PRKCZ: variants seen among roughly 807,000 people sequenced by gnomAD.
The protein encoded by PRKCZ is protein kinase C zeta type.
PRKCZ carries 33 observed loss-of-function variants against 79.5 expected under a neutral mutation model. The ratio of observed to expected loss-of-function variants is 0.41; its 90% CI spans 0.31 to 0.55. The LOEUF (loss-of-function observed/expected upper bound fraction) is 0.55, where lower values mean the gene tolerates loss of function less well. Among genes scored for constraint, PRKCZ ranks in the 20% least tolerant of loss-of-function variants. The pLI is 0.19. For synonymous variants in PRKCZ, 342 were observed against 320.9 expected (o/e 1.07, Z -0.70); for missense variants, 578 against 813.5 (o/e 0.71, Z 3.52).
At chr1:2,068,500 C>T (rs910999704) in intron 4 of PRKCZ, among the ~76,000 whole-genome samples, 4 of 152,272 alleles carry the variant, frequency 2.6e-5, no homozygotes, top group Non-Finnish European at 4.4e-5. Context: ...ACTGGAACAC[C>T]GGTGGTCGGC....
intron 4 of PRKCZ, among the ~76,000 whole-genome samples, chr1:2,131,618 G>T (rs1256374348): frequency 1.3e-5 from 2 of 152,164 alleles, no homozygotes; most frequent in Non-Finnish European, 2.9e-5. Flanking sequence ...GCAGGACTCG[G>T]CAATATAAAG....
chr1:2,096,513 G>A (rs985255436), intron 4 of PRKCZ, among the ~76,000 whole-genome samples: 5 of 152,174 alleles, frequency 3.3e-5, no homozygotes, highest in African/African-American at 7.2e-5. Flanking sequence ...TAAAAACAGC[G>A]CCAAGCGTGT....
chr1:2,124,242 CGGT>C (rs1673337129), intron 4 of PRKCZ, among the ~76,000 whole-genome samples: 1 of 6,284 alleles, frequency 1.6e-4, no homozygotes, highest in Non-Finnish European at 2.6e-4. Context: ...GTTAGGGTCA[CGGT>C]GGTGGTTAGG....
chr1:2,140,991 A>G (rs1468324591), intron 5 of PRKCZ: 4 of 152,258 alleles, frequency 2.6e-5, no homozygotes, highest in Non-Finnish European at 4.4e-5. Flanking sequence ...AATATGAGCA[A>G]GGAACAAGTT....
intron 4 of PRKCZ, among the ~76,000 whole-genome samples, chr1:2,063,612 C>T (rs1341270574): frequency 1.3e-5 from 2 of 152,186 alleles, no homozygotes; most frequent in South Asian, 2.1e-4. Context: ...TGCACCTGGC[C>T]GATAATTCTG....
At chr1:2,103,808 G>A (rs1048572811) in intron 4 of PRKCZ, among the ~76,000 whole-genome samples, 21 of 152,266 alleles carry the variant, frequency 1.4e-4, no homozygotes, top group Non-Finnish European at 1.2e-4. Context: ...AGTGCTGGCC[G>A]CTCCCCTCTC....
At chr1:2,070,231 C>G (rs1382624279) in intron 4 of PRKCZ, among the ~76,000 whole-genome samples, 1 of 152,138 alleles carries the variant, frequency 6.6e-6, no homozygotes, top group South Asian at 2.1e-4. Context: ...GGACCCTGCT[C>G]CAGCCTGCAC....
intron 6 of PRKCZ, 103 bp downstream of exon 6, chr1:2,144,444 A>C: frequency 2.0e-6 from 3 of 1,495,820 alleles, no homozygotes; most frequent in South Asian, 2.6e-5. Context: ...GTTCTTCAAG[A>C]GGGGCCGTGG....
chr1:2,078,617 A>G (rs1328834872), intron 4 of PRKCZ, among the ~76,000 whole-genome samples: 1 of 152,116 alleles, frequency 6.6e-6, no homozygotes, highest in East Asian at 1.9e-4. Flanking sequence ...CCAGTTATTT[A>G]TCACATGGCC....
At chr1:2,095,378 C>T (rs576516681) in intron 4 of PRKCZ, among the ~76,000 whole-genome samples, 80 of 152,182 alleles carry the variant, frequency 5.3e-4, no homozygotes, top group Non-Finnish European at 1.1e-3. Context: ...GAGGTGGGCA[C>T]GGCACACGTG....
intron 5 of PRKCZ, among the ~76,000 whole-genome samples, chr1:2,139,682 G>T (rs1030294975): frequency 2.6e-5 from 4 of 152,218 alleles, no homozygotes; most frequent in Admixed American, 2.6e-4. Context: ...TGTGGGACAG[G>T]CATGGACCCT....
At position 2,142,492 on chromosome 1, in the gene PRKCZ, A is replaced by G. The variant is rs576460334; in HGVS notation, c.421-1718A>G. 8.6e-5 allele frequency: 25 copies of G among 291,082 alleles called. 1 individual carries two copies. In the East Asian group the frequency reaches 2.9e-3, roughly 34 times the overall value. The allele number at this position is 291,082 out of a possible 1,614,324, so 18.0% of individuals were successfully genotyped here. A position where few individuals can be genotyped will look rare whatever the true frequency, so the allele number is the denominator to read the frequency against. On this transcript the variant is annotated intron_variant, in intron 5 of 17. Coordinates refer to ENST00000378567, the MANE Select transcript of PRKCZ (RefSeq NM_002744.6). ...CTTTCAATCCAGGGTCCACACATCC[A>G]GCAGGTGCCGACTGGGGCAAAACTC...
chr1:2,184,293 C>T (rs1164422460), intron 16 of PRKCZ: 1 of 368,766 alleles, frequency 2.7e-6, no homozygotes, highest in East Asian at 6.7e-5. Context: ...AACAAGGACC[C>T]CCCCAAGGAA....
At chr1:2,059,945 G>C (rs958101073) in intron 4 of PRKCZ, among the ~76,000 whole-genome samples, 38 of 152,282 alleles carry the variant, frequency 2.5e-4, no homozygotes, top group African/African-American at 4.8e-4. Context: ...TGCTCCTCCT[G>C]GTCCCTGCTG....
In PRKCZ at chr1:2,172,942, G is replaced by A. The variant is rs1192103938; in HGVS notation, c.1285+554G>A. Among the ~76,000 whole-genome samples the A allele has an allele frequency of 6.6e-6, 1 of 151,080 alleles. No homozygotes were observed. The highest frequency in any genetic ancestry group is 2.0e-4 in the East Asian group (1 of 5,128). On this transcript the variant is annotated intron_variant, in intron 13 of 17. Coordinates refer to ENST00000378567, the MANE Select transcript of PRKCZ (RefSeq NM_002744.6). The surrounding 1 kb of genome is among the most constrained non-coding windows in gnomAD (Gnocchi z 7.8). ...GTGTGTGCGTGTGTGAAACGGGGATGTGGGCACGCGTGTGCAGCCGTGTGT... is the reference window on the plus strand; with the variant it reads ...GTGTGTGCGTGTGTGAAACGGGGATATGGGCACGCGTGTGCAGCCGTGTGT...
Position 2,184,694 on chromosome 1 carries a change from G to A in PRKCZ, c.1687G>A (p.Asp563Asn), listed in dbSNP as rs901650050. 3.7e-6 allele frequency: 6 copies of A among 1,612,590 alleles called. No individual in the cohort carries two copies. The highest frequency in any genetic ancestry group is 2.7e-5 in the African/African-American group (2 of 74,906). ...TSEPVQLTPD[D>N]EDAIKRIDQS... ...CGAGCCCGTGCAGCTGACCCCAGAC[G>A]ATGAGTGAGTCCCACTGGGTGCGGG... is the stretch of plus-strand genomic sequence containing the variant. The change falls in exon 17 of 18, where the codon GAT becomes AAT. Residue 563 changes from aspartate to asparagine, a missense_variant. Physicochemically the swap from Asp to Asn is conservative, Grantham distance 23. Coordinates refer to ENST00000378567, the MANE Select transcript of PRKCZ (RefSeq NM_002744.6).
rs922087568 is a variant in PRKCZ at position 2,128,066 on chromosome 1, C to T, written c.335-7196C>T. Reference sequence around the variant, plus strand: ...AAATCGCTGCCCAGGGAAGAAGCTCCGGAGTCTAGAGGTGGCAGCACCCAT... The same window carrying T: ...AAATCGCTGCCCAGGGAAGAAGCTCTGGAGTCTAGAGGTGGCAGCACCCAT... On this transcript the variant is annotated intron_variant, in intron 4 of 17. Coordinates refer to ENST00000378567, the MANE Select transcript of PRKCZ (RefSeq NM_002744.6). This position sits in a 1 kb window ranked among gnomAD's most constrained non-coding sequence, Gnocchi z 6.5. Among the ~76,000 whole-genome samples, 4 of 152,180 alleles carry T rather than the reference C, an allele frequency of 2.6e-5. No individual in the cohort carries two copies. Among genetic ancestry groups the T allele is most frequent in the African/African-American group, 7.2e-5 (3 of 41,442 alleles).
At chr1:2,060,113 C>T (rs999809385) in intron 4 of PRKCZ, among the ~76,000 whole-genome samples, 10 of 152,352 alleles carry the variant, frequency 6.6e-5, no homozygotes, top group East Asian at 3.9e-4. Context: ...CAGGTGGCTA[C>T]GCTGCTCTCG....
chr1:2,185,340 G>A lies in PRKCZ; in HGVS notation c.*331G>A, dbSNP rs898954504. 8.3e-6 allele frequency: 6 copies of A among 718,676 alleles called. No homozygotes were observed. The highest frequency in any genetic ancestry group is 2.3e-4 in the Middle Eastern group (1 of 4,394). 44.5% of individuals were successfully genotyped at this position (718,676 alleles called of 1,614,324 possible). ...AGAACTCGATGCACTGACCTGCTCC[G>A]CCAGGAAAGTGAGCGTGTAGCGTCC... On this transcript the variant is annotated 3_prime_UTR_variant, in exon 18 of 18. Coordinates refer to ENST00000378567, the MANE Select transcript of PRKCZ (RefSeq NM_002744.6).
Sources: allele counts gnomAD v4.1 joint callset (sites outside exome capture counted in the v4.1 genomes callset), GRCh38; gene constraint gnomAD v4.1.1; non-coding constraint Gnocchi (gnomAD v3.1); transcripts MANE v1.5; gene names NCBI Gene and HGNC (gene_info 2026-07-23, HGNC 2026-07-21).